Variants in RNF111 observed in about 807,000 individuals in gnomAD.
The protein encoded by RNF111 is ring finger protein 111.
Under a neutral mutation model 95.1 loss-of-function variants are expected in RNF111, and 17 were observed. The observed-to-expected ratio is 0.18, with a 90% CI of 0.12 to 0.27. RNF111 has a LOEUF of 0.27. Ranked by LOEUF, RNF111 falls within the 10% of genes least tolerant of loss-of-function variation. The pLI, the probability that RNF111 is intolerant of heterozygous loss-of-function variation, is 1.00. For synonymous variants in RNF111, 440 were observed against 414.8 expected (o/e 1.06, Z -0.74); for missense variants, 1,189 against 1,210.4 (o/e 0.98, Z 0.26).
At chr15:59,094,312 G>A (rs539248069) in intron 13 of RNF111, among the ~76,000 whole-genome samples, 2 of 152,278 alleles carry the variant, frequency 1.3e-5, no homozygotes, top group South Asian at 4.1e-4. Context: ...TGAGGAAAGT[G>A]TAGTTACTAT....
chr15:59,063,881 G>T lies in RNF111; in HGVS notation c.1367-2883G>T, dbSNP rs183887923. ...GAAGGAACCATGAAGGTAATTTAGC[G>T]TATCCCAGTGAGTGAGCTTAGTATC... On this transcript the variant is annotated intron_variant, in intron 5 of 13. Coordinates refer to ENST00000348370, the MANE Select transcript of RNF111 (RefSeq NM_017610.8). 2.2e-3 allele frequency among the ~76,000 whole-genome samples: 339 copies of T among 152,238 alleles called. 4 individuals are homozygous for T. Among genetic ancestry groups the T allele is most frequent in the African/African-American group, 7.7e-3 (318 of 41,556 alleles).
chr15:59,072,242 A>G (rs2042959678), intron 6 of RNF111, among the ~76,000 whole-genome samples: 1 of 152,118 alleles, frequency 6.6e-6, no homozygotes, highest in Non-Finnish European at 1.5e-5. Flanking sequence ...TAAGATAACA[A>G]TGAAGTTTGC....
At chr15:59,059,447 G>A (rs1434000282) in intron 5 of RNF111, among the ~76,000 whole-genome samples, 2 of 152,200 alleles carry the variant, frequency 1.3e-5, no homozygotes, top group East Asian at 3.8e-4. Flanking sequence ...AAAACACTTT[G>A]ATGGTTCCTC....
At chr15:59,077,365 T>C (rs1281832517) in intron 7 of RNF111, among the ~76,000 whole-genome samples, 1 of 152,196 alleles carries the variant, frequency 6.6e-6, no homozygotes, top group Non-Finnish European at 1.5e-5. Context: ...TTCTAAAACA[T>C]TCAGACTGTG....
intron 1 of RNF111, among the ~76,000 whole-genome samples, chr15:59,029,777 G>T (rs143393452): frequency 6.6e-6 from 1 of 152,250 alleles, no homozygotes; most frequent in South Asian, 2.1e-4. Context: ...TTTCTAGGGT[G>T]CTGGTTATGT....
chr15:59,092,156 T>C (rs17236453), intron 12 of RNF111, among the ~76,000 whole-genome samples: 41,465 of 152,166 alleles, frequency 0.27, 5,723 homozygotes, highest in East Asian at 0.42. Flanking sequence ...AGTTAAATAC[T>C]GTAACTAATG....
chr15:59,019,801 A>G (rs1382006887), intron 1 of RNF111, among the ~76,000 whole-genome samples: 1 of 152,092 alleles, frequency 6.6e-6, no homozygotes, highest in Non-Finnish European at 1.5e-5. Flanking sequence ...TTTACTGAAA[A>G]TACAAAAATT....
chr15:59,015,327 TTTTTA>T (rs1197658431), intron 1 of RNF111, among the ~76,000 whole-genome samples: 1 of 152,214 alleles, frequency 6.6e-6, no homozygotes, highest in Non-Finnish European at 1.5e-5. Flanking sequence ...TGTTTCTAAA[TTTTTA>T]TTTTATCATT....
At position 59,026,918 on chromosome 15, in the gene RNF111, C is replaced by G. The variant is rs140221840; in HGVS notation, c.-19-3886C>G. On this transcript the variant is annotated intron_variant, in intron 1 of 13. Coordinates refer to ENST00000348370, the MANE Select transcript of RNF111 (RefSeq NM_017610.8). The stretch of plus-strand genomic sequence containing the variant: ...CCACAGCATACACCAAACCACCCCC[C>G]CTTGCTCTCCTCTACCCTTGTCTCA... Among the ~76,000 whole-genome samples the G allele has an allele frequency of 6.5e-3, 990 of 152,276 alleles. 4 individuals are homozygous for G. Among genetic ancestry groups the G allele is most frequent in the Non-Finnish European group, 0.011 (745 of 68,010 alleles).
chr15:59,015,725 C>T lies in RNF111; in HGVS notation c.-19-15079C>T, dbSNP rs1012453331. Among the ~76,000 whole-genome samples the T allele has an allele frequency of 3.3e-5, 5 of 151,930 alleles. No homozygotes were observed. The East Asian group carries it at 7.7e-4, about 23-fold the overall frequency. On this transcript the variant is annotated intron_variant, in intron 1 of 13. Transcript: ENST00000348370. Reference sequence around the variant, plus strand: ...TTTGAAGTGAATATTCTTCGCCCACCGTCACCCTGTGCATCCTTCATGGTT... The same window carrying T: ...TTTGAAGTGAATATTCTTCGCCCACTGTCACCCTGTGCATCCTTCATGGTT...
chr15:58,999,540 T>C (rs1382658752), intron 1 of RNF111, among the ~76,000 whole-genome samples: 1 of 152,150 alleles, frequency 6.6e-6, no homozygotes, highest in Non-Finnish European at 1.5e-5. Context: ...TTCACTATGT[T>C]TCCCAGGCTG....
At chr15:59,079,933 T>C (rs1323166216) in intron 7 of RNF111, among the ~76,000 whole-genome samples, 1 of 152,094 alleles carries the variant, frequency 6.6e-6, no homozygotes, top group African/African-American at 2.4e-5. Context: ...AGCTTCCATA[T>C]ATGCAAATAA....
chr15:59,041,073 G>C (rs1800574667), intron 2 of RNF111, among the ~76,000 whole-genome samples: 2 of 151,754 alleles, frequency 1.3e-5, no homozygotes, highest in Non-Finnish European at 2.9e-5. Flanking sequence ...ATATACTATT[G>C]TTGGGGTATA....
At position 59,065,422 on chromosome 15, in the gene RNF111, T is replaced by TAA. The variant is rs1379225062; in HGVS notation, c.1367-1342_1367-1341insAA. On this transcript the variant is annotated intron_variant, in intron 5 of 13. Coordinates refer to ENST00000348370, the MANE Select transcript of RNF111 (RefSeq NM_017610.8). ...ACTGGGCATGTGGCGGAGAGCATAA[T>TAA]CAGGACTCATGTGTTTTATACTGAG... 8.5e-5 allele frequency among the ~76,000 whole-genome samples: 13 copies of TAA among 152,182 alleles called. No individual in the cohort carries two copies. In the East Asian group the frequency reaches 2.5e-3, roughly 29 times the overall value.
At chr15:59,036,066 C>A (rs2041161331) in intron 2 of RNF111, among the ~76,000 whole-genome samples, 1 of 151,998 alleles carries the variant, frequency 6.6e-6, no homozygotes, top group Non-Finnish European at 1.5e-5. Flanking sequence ...GTAATTTATT[C>A]TATTTTTATT....
chr15:59,094,717 A>T, intron 13 of RNF111, 66 bp from the exon 14 acceptor site: 2 of 879,672 alleles, frequency 2.3e-6, no homozygotes, highest in Non-Finnish European at 3.9e-6. Flanking sequence ...TTACATATAT[A>T]ATTTGTTAAC....
chr15:59,004,791 A>G (rs1312559579), intron 1 of RNF111, among the ~76,000 whole-genome samples: 2 of 152,196 alleles, frequency 1.3e-5, no homozygotes, highest in African/African-American at 4.8e-5. Context: ...ATTGGAATAA[A>G]TCATGTTTTC....
intron 2 of RNF111, among the ~76,000 whole-genome samples, chr15:59,046,324 G>C (rs2041707514): frequency 6.9e-6 from 1 of 143,938 alleles, no homozygotes; most frequent in African/African-American, 2.9e-5. Flanking sequence ...CTCCTGGGTA[G>C]CTGGTACTGC....
chr15:59,036,965 G>T (rs1302456224), intron 2 of RNF111, among the ~76,000 whole-genome samples: 1 of 151,782 alleles, frequency 6.6e-6, no homozygotes, highest in African/African-American at 2.4e-5. Context: ...CTAGTAGCTG[G>T]CACAGCAGCA....
Sources: allele counts gnomAD v4.1 joint callset (sites outside exome capture counted in the v4.1 genomes callset), GRCh38; gene constraint gnomAD v4.1.1; transcripts MANE v1.5; gene names NCBI Gene and HGNC (gene_info 2026-07-23, HGNC 2026-07-21).